SLC5A11: variants seen among roughly 807,000 people sequenced by gnomAD.
SLC5A11 encodes the protein sodium/myo-inositol cotransporter 2.
SLC5A11 carries 48 observed loss-of-function variants against 69.8 expected under a neutral mutation model. The ratio of observed to expected loss-of-function variants is 0.69; its 90% CI spans 0.55 to 0.87. The LOEUF is 0.87. Ranked by LOEUF, SLC5A11 falls within the 40% of genes least tolerant of loss-of-function variation. The pLI is 0.00. For synonymous variants in SLC5A11, 319 were observed against 342.4 expected (o/e 0.93, Z 0.75); for missense variants, 784 against 866.1 (o/e 0.91, Z 1.19).
exon 13 of SLC5A11, chr16:24,908,076 C>A (rs771062363): frequency 5.6e-6 from 9 of 1,609,400 alleles, no homozygotes; most frequent in African/African-American, 1.3e-5. Context: ...TACCTGCAGC[C>A]GCCTGTGGCG....
intron 1 of SLC5A11, among the ~76,000 whole-genome samples, chr16:24,847,299 C>CTTTT (rs749078106): frequency 4.1e-5 from 6 of 144,800 alleles, no homozygotes; most frequent in African/African-American, 1.3e-4. Context: ...TCCCTTTTTT[C>CTTTT]TTTCTTTCTT....
At chr16:24,847,141 T>G (rs1279168887) in intron 1 of SLC5A11, among the ~76,000 whole-genome samples, 1 of 152,086 alleles carries the variant, frequency 6.6e-6, no homozygotes, top group Non-Finnish European at 1.5e-5. Flanking sequence ...TTCTCTTTCT[T>G]TCTTTTTCTT....
intron 7 of SLC5A11, among the ~76,000 whole-genome samples, chr16:24,880,748 G>A (rs569767874): frequency 1.5e-4 from 23 of 152,100 alleles, no homozygotes; most frequent in African/African-American, 4.8e-4. Flanking sequence ...CTCCCACCAG[G>A]ACCCTCCCCC....
intron 7 of SLC5A11, among the ~76,000 whole-genome samples, chr16:24,882,058 G>A (rs376913847): frequency 3.9e-5 from 6 of 152,190 alleles, no homozygotes; most frequent in African/African-American, 1.4e-4. Flanking sequence ...AGGGGAAAAG[G>A]GGAGGGCAGG....
chr16:24,896,734 G>T (rs2049191903), intron 9 of SLC5A11, among the ~76,000 whole-genome samples: 1 of 152,112 alleles, frequency 6.6e-6, no homozygotes, highest in South Asian at 2.1e-4. Flanking sequence ...GGGAAGTGGG[G>T]AGGTAGTATT....
At chr16:24,891,395 G>T (rs1015592650) in intron 9 of SLC5A11, among the ~76,000 whole-genome samples, 3 of 145,632 alleles carry the variant, frequency 2.1e-5, no homozygotes, top group Non-Finnish European at 4.5e-5. Flanking sequence ...GCTCACAGCA[G>T]CCTTCATCTC....
intron 1 of SLC5A11, 52 bp from the exon 3 acceptor site, chr16:24,858,568 G>C: frequency 1.3e-6 from 2 of 1,517,138 alleles, no homozygotes; most frequent in Non-Finnish European, 1.8e-6. Context: ...CAGAAAGGGT[G>C]AGAAGAATGA....
chr16:24,850,779 T>C (rs2059267215), intron 1 of SLC5A11, among the ~76,000 whole-genome samples: 1 of 151,976 alleles, frequency 6.6e-6, no homozygotes. Flanking sequence ...TGCACATATG[T>C]GGCCAAGGTT....
At chr16:24,908,645 T>C (rs975087421) in intron 13 of SLC5A11, among the ~76,000 whole-genome samples, 3 of 150,876 alleles carry the variant, frequency 2.0e-5, no homozygotes, top group Admixed American at 6.6e-5. Context: ...GAAAAGTATC[T>C]TGATGCATTT....
At chr16:24,882,711 T>A (rs2048124899) in intron 7 of SLC5A11, among the ~76,000 whole-genome samples, 1 of 152,206 alleles carries the variant, frequency 6.6e-6, no homozygotes, top group South Asian at 2.1e-4. Context: ...AGTGGCACGA[T>A]CTTGGCTCAC....
At position 24,881,822 on chromosome 16, in the gene SLC5A11, C is replaced by T. The variant is rs149048562; in HGVS notation, c.584-2229C>T. 2.6e-4 allele frequency among the ~76,000 whole-genome samples: 38 copies of T among 144,246 alleles called. 2 individuals carry two copies. The East Asian group carries it at 8.0e-3, about 30-fold the overall frequency. 94.6% of individuals were successfully genotyped at this position (144,246 alleles called of 152,430 possible). On this transcript the variant is annotated intron_variant, in intron 7 of 15. Coordinates refer to ENST00000347898, the Ensembl canonical transcript of SLC5A11. ...CCAGAGTGAAAATGGCACCCCGTGG[C>T]ACTGTGCTAAGCAGCAACCCTGGTG...
chr16:24,910,723 G>A (rs60939113), intron 15 of SLC5A11, among the ~76,000 whole-genome samples: 2,323 of 152,176 alleles, frequency 0.015, 45 homozygotes, highest in African/African-American at 0.05. Context: ...ACGGAGACAC[G>A]GTTGGTTCAT....
chr16:24,868,988 C>T (rs2047099469), intron 3 of SLC5A11, among the ~76,000 whole-genome samples: 1 of 151,940 alleles, frequency 6.6e-6, no homozygotes, highest in Non-Finnish European at 1.5e-5. Flanking sequence ...CTGCCTCAGC[C>T]TCCTGAATAG....
At chr16:24,896,963 T>A (rs1167248882) in intron 9 of SLC5A11, among the ~76,000 whole-genome samples, 4 of 141,718 alleles carry the variant, frequency 2.8e-5, no homozygotes, top group African/African-American at 1.1e-4. Flanking sequence ...TTTTTTTTTT[T>A]TTTTTTTGAG....
chr16:24,872,802 C>T (rs1214155218), intron 5 of SLC5A11, among the ~76,000 whole-genome samples: 2 of 150,684 alleles, frequency 1.3e-5, no homozygotes, highest in Admixed American at 6.6e-5. Flanking sequence ...GCTGGACTTA[C>T]AGGCATAAGC....
At chr16:24,864,441 T>C (rs1240732585) in intron 3 of SLC5A11, among the ~76,000 whole-genome samples, 1 of 152,064 alleles carries the variant, frequency 6.6e-6, no homozygotes, top group African/African-American at 2.4e-5. Context: ...TTTAAGAAAG[T>C]CATGAAACAA....
intron 3 of SLC5A11, among the ~76,000 whole-genome samples, chr16:24,863,671 AAT>A (rs958231119): frequency 1.3e-5 from 2 of 152,194 alleles, no homozygotes; most frequent in Non-Finnish European, 1.5e-5. Flanking sequence ...AAATTGTCAA[AAT>A]CAACTTTTTC....
At chr16:24,878,424 C>A (rs1413863570) in intron 7 of SLC5A11, among the ~76,000 whole-genome samples, 1 of 152,164 alleles carries the variant, frequency 6.6e-6, no homozygotes, top group Non-Finnish European at 1.5e-5. Flanking sequence ...TATTTATTAT[C>A]TCATCTTCCA....
intron 8 of SLC5A11, among the ~76,000 whole-genome samples, chr16:24,889,133 G>C (rs1234705402): frequency 6.6e-6 from 1 of 152,016 alleles, no homozygotes; most frequent in African/African-American, 2.4e-5. Flanking sequence ...ATAAAATGCA[G>C]CTGCAAATCA....
Sources: allele counts gnomAD v4.1 joint callset (sites outside exome capture counted in the v4.1 genomes callset), GRCh38; gene constraint gnomAD v4.1.1; transcripts MANE v1.5; gene names NCBI Gene and HGNC (gene_info 2026-07-23, HGNC 2026-07-21).